Variants in GABRB3 observed in about 807,000 individuals in gnomAD.
GABRB3 encodes the protein gamma-aminobutyric acid type A receptor subunit beta3, also known as gamma-aminobutyric acid receptor subunit beta-3.
Under a neutral mutation model 52.1 loss-of-function variants are expected in GABRB3, and 14 were observed. That is an observed-to-expected ratio of 0.27 (90% CI 0.18 to 0.42). GABRB3 has a LOEUF of 0.42. Ranked by LOEUF, GABRB3 falls within the 10% of genes least tolerant of loss-of-function variation. The probability of loss-of-function intolerance (pLI) is 1.00; values close to 1 mark genes in which losing one functional copy is unlikely to be tolerated. For missense variants in GABRB3, 307 were observed against 609.1 expected (o/e 0.50, Z 5.22); for synonymous variants, 260 against 232.3 (o/e 1.12, Z -1.08).
At chr15:26,728,816 C>T (rs771258088) in intron 3 of GABRB3, among the ~76,000 whole-genome samples, 34 of 152,164 alleles carry the variant, frequency 2.2e-4, no homozygotes, top group Admixed American at 1.1e-3. Flanking sequence ...AGCTCATATA[C>T]CAGCAGCTGG....
intron 3 of GABRB3, chr15:26,767,276 GTCA>G (rs1279814117): frequency 1.3e-5 from 2 of 152,172 alleles, no homozygotes; most frequent in African/African-American, 4.8e-5. Context: ...TTTCTGCTGA[GTCA>G]TCCCCCAGCG....
chr15:26,558,116 T>C (rs1160894337), intron 8 of GABRB3, among the ~76,000 whole-genome samples: 1 of 152,218 alleles, frequency 6.6e-6, no homozygotes, highest in East Asian at 1.9e-4. Context: ...TCTAGTTTCC[T>C]TGGAAACAGC....
intron 3 of GABRB3, among the ~76,000 whole-genome samples, chr15:26,758,548 C>G (rs1890724547): frequency 6.6e-6 from 1 of 152,148 alleles, no homozygotes; most frequent in South Asian, 2.1e-4. Context: ...AAATGTCATT[C>G]AAGCAGGCAG....
At chr15:26,649,280 A>G (rs1248817922) in intron 3 of GABRB3, among the ~76,000 whole-genome samples, 1 of 152,146 alleles carries the variant, frequency 6.6e-6, no homozygotes, top group Non-Finnish European at 1.5e-5. Context: ...CTAGAGGGAC[A>G]TGAGATGCCC....
intron 3 of GABRB3, among the ~76,000 whole-genome samples, chr15:26,742,078 C>T (rs1481107871): frequency 6.6e-6 from 1 of 152,166 alleles, no homozygotes; most frequent in African/African-American, 2.4e-5. Context: ...TGCACTCCTA[C>T]ACGACATTTT....
At chr15:26,687,503 G>A (rs752353474) in intron 3 of GABRB3, among the ~76,000 whole-genome samples, 4 of 151,668 alleles carry the variant, frequency 2.6e-5, no homozygotes, top group Admixed American at 6.6e-5. Flanking sequence ...CTCTTCCTCC[G>A]CCTGCCTACC....
At chr15:26,554,176 G>GAGTATA (rs71420007) in intron 8 of GABRB3, among the ~76,000 whole-genome samples, 26 of 27,340 alleles carry the variant, frequency 9.5e-4, no homozygotes, top group African/African-American at 1.7e-3. Context: ...TATATATAAA[G>GAGTATA]TATATATATA....
chr15:26,615,919 C>G lies in GABRB3; in HGVS notation c.461+5395G>C, dbSNP rs915516505. 5 of 1,284,202 alleles carry G rather than the reference C, an allele frequency of 3.9e-6. No homozygotes were observed. In the African/African-American group the frequency reaches 7.6e-5, roughly 20 times the overall value. 79.6% of individuals were successfully genotyped at this position (1,284,202 alleles called of 1,614,324 possible). On this transcript the variant is annotated intron_variant, in intron 4 of 8. Transcript: ENST00000311550. ...ATAATCAGTAGGAAAGCAATCTCTG[C>G]TGGGCAGGACCTTCCTCAGCAGTAC... is the stretch of plus-strand genomic sequence containing the variant.
chr15:26,741,795 G>A (rs1835420117), intron 3 of GABRB3, among the ~76,000 whole-genome samples: 1 of 152,016 alleles, frequency 6.6e-6, no homozygotes, highest in Admixed American at 6.6e-5. Flanking sequence ...TTTTTGTAGA[G>A]ATGGGGGTCT....
chr15:26,616,044 G>T, intron 4 of GABRB3: 1 of 1,289,176 alleles, frequency 7.8e-7, no homozygotes, highest in Non-Finnish European at 1.0e-6. Flanking sequence ...ACCTCCTCCA[G>T]GCCAGGGCCA....
chr15:26,740,831 T>C (rs550871103), intron 3 of GABRB3, among the ~76,000 whole-genome samples: 87 of 152,144 alleles, frequency 5.7e-4, no homozygotes, highest in Non-Finnish European at 7.5e-4. Context: ...AATGTACTCA[T>C]TCACTCTCAG....
intron 3 of GABRB3, among the ~76,000 whole-genome samples, chr15:26,739,345 G>A (rs1265480964): frequency 2.6e-5 from 4 of 151,932 alleles, no homozygotes; most frequent in African/African-American, 7.3e-5. Context: ...CAGAAGTGCC[G>A]AGTAGAAGGA....
chr15:26,712,279 G>T (rs186803760), intron 3 of GABRB3, among the ~76,000 whole-genome samples: 110 of 151,882 alleles, frequency 7.2e-4, no homozygotes, highest in Non-Finnish European at 2.4e-4. Context: ...CTTCCAAAAT[G>T]CTGGGATTAC....
chr15:26,578,998 T>C (rs1372267466), intron 6 of GABRB3, among the ~76,000 whole-genome samples: 1 of 152,214 alleles, frequency 6.6e-6, no homozygotes, highest in African/African-American at 2.4e-5. Flanking sequence ...AGGTGGAGGA[T>C]AAAGTGGCAC....
Position 26,643,506 on chromosome 15 carries a change from T to C in GABRB3, c.241-21972A>G, listed in dbSNP as rs984513830. Among the ~76,000 whole-genome samples the C allele has an allele frequency of 5.8e-4, 88 of 152,236 alleles. 1 individual carries two copies. The highest frequency in any genetic ancestry group is 2.1e-3 in the African/African-American group (87 of 41,548). ...CAACTTCAGGCAGGAGCAATGTTCATGTTGTGGTGTCTTCAGTCTCCCTCC... is the reference window on the plus strand; with the variant it reads ...CAACTTCAGGCAGGAGCAATGTTCACGTTGTGGTGTCTTCAGTCTCCCTCC... On this transcript the variant is annotated intron_variant, in intron 3 of 8. Transcript: ENST00000311550.
At chr15:26,684,497 T>A (rs1475924812) in intron 3 of GABRB3, among the ~76,000 whole-genome samples, 1 of 152,206 alleles carries the variant, frequency 6.6e-6, no homozygotes, top group Non-Finnish European at 1.5e-5. Context: ...ACAACTTGGC[T>A]GTTTGGTGCA....
intron 3 of GABRB3, chr15:26,629,129 T>A: frequency 6.6e-7 from 1 of 1,523,780 alleles, no homozygotes; most frequent in Non-Finnish European, 8.8e-7. Context: ...CAGGAGAGGC[T>A]GAAGCTCGGG....
intron 3 of GABRB3, among the ~76,000 whole-genome samples, chr15:26,696,264 T>A (rs1473567402): frequency 1.3e-5 from 2 of 152,200 alleles, no homozygotes; most frequent in African/African-American, 4.8e-5. Flanking sequence ...AATAGTCACC[T>A]GTTTTTAATG....
chr15:26,754,223 G>C (rs931225577), intron 3 of GABRB3, among the ~76,000 whole-genome samples: 2 of 152,182 alleles, frequency 1.3e-5, no homozygotes, highest in African/African-American at 4.8e-5. Flanking sequence ...AGAAGGAAGA[G>C]TAAGAATGGG....
Sources: gnomAD v4.1 joint callset for allele counts (sites outside exome capture counted in the v4.1 genomes callset) on GRCh38, gnomAD v4.1.1 for gene constraint, MANE v1.5 for transcripts, NCBI Gene and HGNC (gene_info 2026-07-23, HGNC 2026-07-21) for gene names.